The following CRYM variants were observed in gnomAD, a reference collection of about 807,000 sequenced individuals.
The protein encoded by CRYM is crystallin mu.
CRYM carries 18 observed loss-of-function variants against 32.9 expected under a neutral mutation model. That is an observed-to-expected ratio of 0.55 (90% confidence interval 0.38 to 0.81). The LOEUF is 0.81. Among genes scored for constraint, CRYM ranks in the 30% least tolerant of loss-of-function variants. CRYM has a pLI of 0.00. For missense variants in CRYM, 337 were observed against 393.5 expected (o/e 0.86, Z 1.21); for synonymous variants, 153 against 152.4 (o/e 1.00, Z -0.03).
Position 21,258,759 on chromosome 16 carries a change from C to G in CRYM, c.*22G>C, listed in dbSNP as rs774509583. 1 of 1,606,846 alleles carries G rather than the reference C, an allele frequency of 6.2e-7. No homozygotes were observed. Among genetic ancestry groups the G allele is most frequent in the Admixed American group, 1.7e-5 (1 of 60,018 alleles). On this transcript the variant is annotated 3_prime_UTR_variant, in exon 8 of 8. Coordinates refer to ENST00000572914, the MANE Select transcript of CRYM (RefSeq NM_001376256.1). ...GCAGCAATATTCCTCAAGCATCCAT[C>G]TCAACATCAAGTTCCTTTGTTTTAT...
In CRYM at chr16:21,267,592, A is replaced by G; in HGVS notation, c.635T>C (p.Leu212Ser). The stretch of plus-strand genomic sequence containing the variant: ...CCCTGGCTTCACCCATTCACCAAAC[A>G]AAATGGGCTCTGTTGCCAGGGTGAC... ...ITVTLATEPI[L>S]FGEWVKPGAH... Residue 212 changes from leucine (L) to serine (S), a missense_variant, in exon 5 of 8, where the codon TTG (leucine) becomes TCG (serine). Coordinates refer to ENST00000572914, the MANE Select transcript of CRYM (RefSeq NM_001376256.1). 1.2e-6 allele frequency: 2 copies of G among 1,614,078 alleles called. No homozygotes were observed. The highest frequency in any genetic ancestry group is 2.2e-5 in the East Asian group (1 of 44,884).
chr16:21,295,964 C>T (rs1346182509), intron 1 of CRYM, among the ~76,000 whole-genome samples: 2 of 152,018 alleles, frequency 1.3e-5, no homozygotes, highest in Non-Finnish European at 2.9e-5. Flanking sequence ...TTTTGTTGCA[C>T]CCCATCTCCT....
upstream of CRYM, among the ~76,000 whole-genome samples, chr16:21,283,105 C>T (rs1246879328): frequency 6.6e-6 from 1 of 152,100 alleles, no homozygotes; most frequent in Non-Finnish European, 1.5e-5. Flanking sequence ...TGTGCCTGAG[C>T]CTCTGGAAGT....
chr16:21,290,028 A>C (rs1020317891), intron 1 of CRYM, among the ~76,000 whole-genome samples: 1 of 148,604 alleles, frequency 6.7e-6, no homozygotes, highest in African/African-American at 2.6e-5. Flanking sequence ...CACTCTGTAA[A>C]ATGGACCAAT....
intron 1 of CRYM, among the ~76,000 whole-genome samples, chr16:21,291,550 G>A (rs1429605785): frequency 6.6e-6 from 1 of 152,108 alleles, no homozygotes; most frequent in African/African-American, 2.4e-5. Flanking sequence ...CAAAGCTTAT[G>A]TGCATAATGC....
chr16:21,261,165 G>C (rs2093353594), intron 7 of CRYM, 89 bp downstream of exon 7: 1 of 935,250 alleles, frequency 1.1e-6, no homozygotes. Context: ...TTCAGCTGCA[G>C]AGTCTGGTGA....
At chr16:21,301,746 C>T (rs1214137635) in intron 1 of CRYM, among the ~76,000 whole-genome samples, 2 of 152,202 alleles carry the variant, frequency 1.3e-5, no homozygotes, top group East Asian at 1.9e-4. Flanking sequence ...AGCCAGCTCC[C>T]GGCCGGGTCC....
chr16:21,297,572 A>G (rs1960814516), intron 1 of CRYM, among the ~76,000 whole-genome samples: 1 of 152,246 alleles, frequency 6.6e-6, no homozygotes, highest in African/African-American at 2.4e-5. Context: ...TTTGGGCTAA[A>G]TGAAAGGTAT....
chr16:21,281,232 A>G (rs1327056252), upstream of CRYM, among the ~76,000 whole-genome samples: 1 of 151,322 alleles, frequency 6.6e-6, no homozygotes, highest in Non-Finnish European at 1.5e-5. Context: ...CTATATAGAT[A>G]TGTATATATG....
intron 1 of CRYM, among the ~76,000 whole-genome samples, chr16:21,296,178 T>A (rs1223592125): frequency 6.6e-6 from 1 of 152,202 alleles, no homozygotes; most frequent in Non-Finnish European, 1.5e-5. Flanking sequence ...CCTCGAGTGA[T>A]CCACCCGCCT....
At chr16:21,276,158 G>A (rs1430588442) in intron 2 of CRYM, among the ~76,000 whole-genome samples, 5 of 152,114 alleles carry the variant, frequency 3.3e-5, no homozygotes, top group South Asian at 2.1e-4. Flanking sequence ...ATTATGCCTC[G>A]CTAGTAAAAA....
intron 5 of CRYM, among the ~76,000 whole-genome samples, chr16:21,263,958 T>A (rs745970877): frequency 2.0e-5 from 3 of 152,284 alleles, no homozygotes; most frequent in Non-Finnish European, 4.4e-5. Flanking sequence ...GAAATCTATT[T>A]GCATATGTCA....
upstream of CRYM, among the ~76,000 whole-genome samples, chr16:21,281,247 T>C (rs1417381448): frequency 1.3e-5 from 2 of 150,502 alleles, no homozygotes; most frequent in East Asian, 1.9e-4. Flanking sequence ...TATATGTGCA[T>C]ATATATATAT....
In CRYM at chr16:21,269,836, G is replaced by A. The variant is rs1280853209; in HGVS notation, c.443C>T (p.Ala148Val). 6.2e-7 allele frequency: 1 copy of A among 1,609,832 alleles called. No individual in the cohort carries two copies. The highest frequency in any genetic ancestry group is 2.2e-5 in the East Asian group (1 of 44,656). Residue 148 changes from alanine (A) to valine (V), a missense_variant, in exon 4 of 8, where the codon GCC becomes GTC. Transcript: ENST00000572914. ...VLCILGAGVQ[A>V]YSHYEIFTEQ... is the part of the protein sequence containing the mutation. ...TGTGAAGATCTCATAATGGCTGTAG[G>A]CCTGGACCCCAGCCCCAAGGATGCA... is the stretch of plus-strand genomic sequence containing the variant.
In CRYM at chr16:21,277,391, CCAGGGGCCCCA is replaced by C. The variant is rs1291400057; in HGVS notation, c.324+29_324+39del. The C allele has an allele frequency of 6.2e-7, 1 of 1,608,626 alleles. No individual in the cohort carries two copies. Among genetic ancestry groups the C allele is most frequent in the East Asian group, 2.2e-5 (1 of 44,864 alleles). On this transcript the variant is annotated intron_variant, in intron 2 of 7. Transcript: ENST00000572914. This position sits in a 1 kb window ranked among gnomAD's most constrained non-coding sequence, Gnocchi z 4.2. The stretch of plus-strand genomic sequence containing the variant: ...CTTACTTTTGAGCTTCAATCTGGGC[CCAGGGGCCCCA>C]TTCCACCCCGGGACAGGAAGTTGCT...
intron 5 of CRYM, 138 bp from the exon 6 acceptor site, chr16:21,262,296 G>C: frequency 9.6e-7 from 1 of 1,041,534 alleles, no homozygotes; most frequent in Non-Finnish European, 1.5e-6. Flanking sequence ...CCCAGGCCAT[G>C]CTCTCCCAAT....
At chr16:21,286,884 A>G (rs2093408196) in intron 1 of CRYM, among the ~76,000 whole-genome samples, 1 of 151,954 alleles carries the variant, frequency 6.6e-6, no homozygotes, top group Admixed American at 6.6e-5. Flanking sequence ...AGGTCAGGAG[A>G]TGGAGACCAT....
In CRYM at chr16:21,269,690, C is replaced by T. The variant is rs570562031; in HGVS notation, c.489+100G>A. The T allele has an allele frequency of 7.3e-5, 61 of 836,254 alleles. No individual in the cohort carries two copies. In the South Asian group the frequency reaches 9.0e-4, roughly 12 times the overall value. The allele number at this position is 836,254 out of a possible 1,614,324, so 51.8% of individuals were successfully genotyped here. A position where few individuals can be genotyped will look rare whatever the true frequency, so the allele number is the denominator to read the frequency against. ...AGAATGGTCTAGATGGGGCTCACAA[C>T]TTAATTATTTCAGAATAACCTGTGG... On this transcript the variant is annotated intron_variant, in intron 4 of 7. Transcript: ENST00000572914.
chr16:21,269,669 T>C (rs1231561793), intron 4 of CRYM, 121 bp downstream of exon 4: 8 of 686,336 alleles, frequency 1.2e-5, no homozygotes, highest in Non-Finnish European at 2.1e-5. Flanking sequence ...GATACAAGAA[T>C]GGTCTAGATG....
Sources: gnomAD v4.1 joint callset for allele counts (sites outside exome capture counted in the v4.1 genomes callset) on GRCh38, gnomAD v4.1.1 for gene constraint, Gnocchi (gnomAD v3.1) non-coding constraint, MANE v1.5 for transcripts, NCBI Gene and HGNC (gene_info 2026-07-23, HGNC 2026-07-21) for gene names.